Variants in GCC1 observed in about 807,000 individuals in gnomAD.
GCC1 encodes the protein GRIP and coiled-coil domain-containing protein 1.
GCC1 carries 36 observed loss-of-function variants against 62.5 expected under a neutral mutation model. The ratio of observed to expected loss-of-function variants is 0.58; its 90% confidence interval spans 0.44 to 0.76. GCC1 has a LOEUF of 0.76. Ranked by LOEUF, GCC1 falls within the 30% of genes least tolerant of loss-of-function variation. The pLI, the probability that GCC1 is intolerant of heterozygous loss-of-function variation, is 0.00. For synonymous variants in GCC1, 391 were observed against 386.8 expected, an observed-to-expected ratio of 1.01 and a Z score of -0.13; for missense variants, 885 against 948.3, an observed-to-expected ratio of 0.93 and a Z score of 0.88.
rs369520519 is a variant in GCC1, at chr7:127,582,913, T to C, written c.1429A>G (p.Thr477Ala). The C allele has an allele frequency of 2.5e-6, 4 of 1,614,200 alleles. No homozygotes were observed. The highest frequency in any genetic ancestry group is 3.4e-6 in the Non-Finnish European group (4 of 1,180,032). ...AGCTCCTGTTGGTAATAGAGTGCAG[T>C]AGCCTTCTCCCCATCAGCAGCCTCC... ...SSEAADGEKATALYYQQELKQ... is the reference protein window; with the variant it reads ...SSEAADGEKAAALYYQQELKQ... Residue 477 changes from threonine to alanine, a missense_variant, in exon 2 of 2, where the codon ACT becomes GCT. By Grantham distance (58) the Thr-to-Ala change is moderately conservative (BLOSUM62 0). Transcript: ENST00000321407. This position sits in a 1 kb window ranked among gnomAD's most constrained non-coding sequence, Gnocchi z 4.8.
In GCC1 at chr7:127,582,116, A is replaced by G; in HGVS notation, c.2226T>C (p.Thr742=). ...GCAAGATAGTCAGTATGGCTGTGAG[A>G]GTCTGCTGGCGGCCCAGGGAGTCAG... ...TLPDSLGRQQ[T]LTAILTILHF... is the part of the protein sequence containing the mutation. The change falls in exon 2 of 2, where the codon ACT becomes ACC. Residue 742 remains threonine, a synonymous_variant. Coordinates refer to ENST00000321407, the MANE Select transcript of GCC1 (RefSeq NM_024523.6). This position sits in a 1 kb window ranked among gnomAD's most constrained non-coding sequence, Gnocchi z 4.8. 2 of 1,614,162 alleles carry G rather than the reference A, an allele frequency of 1.2e-6. No individual in the cohort carries two copies. The highest frequency in any genetic ancestry group is 1.7e-6 in the Non-Finnish European group (2 of 1,180,014).
rs764589858 is a variant in GCC1, at chr7:127,582,779, C to T, written c.1563G>A (p.Gln521=). The part of the protein sequence containing the change: ...GNLGKELEAA[Q]EQLAELKEKY... Reference sequence around the variant, plus strand: ...TCTCCTTCAGCTCTGCAAGCTGTTCCTGGGCTGCCTCCAGCTCCTTTCCCA... The same window carrying T: ...TCTCCTTCAGCTCTGCAAGCTGTTCTTGGGCTGCCTCCAGCTCCTTTCCCA... Residue 521 remains glutamine, a synonymous_variant, in exon 2 of 2, where the codon CAG becomes CAA. Transcript: ENST00000321407. The surrounding 1 kb of genome is among the most constrained non-coding windows in gnomAD (Gnocchi z 4.8). 6.2e-7 allele frequency: 1 copy of T among 1,614,218 alleles called. No individual in the cohort carries two copies. The highest frequency in any genetic ancestry group is 8.5e-7 in the Non-Finnish European group (1 of 1,180,046).
rs370013935 is a variant in GCC1, at chr7:127,584,750, C to T, written c.433G>A (p.Gly145Arg). Residue 145 changes from glycine to arginine, a missense_variant, in exon 1 of 2, where the codon GGG becomes AGG. Gly to Arg is a moderately radical substitution (Grantham distance 125). Transcript: ENST00000321407. ...TCCCCACCTGCAAATGGCCCATCCC[C>T]ACTGCTACTGCTAACGCCACTCTCG... ...WSESGVSSSS[G>R]DGPFAGGEVD... is the part of the protein sequence containing the mutation. 6.2e-7 allele frequency: 1 copy of T among 1,614,214 alleles called. No individual in the cohort carries two copies. Among genetic ancestry groups the T allele is most frequent in the Non-Finnish European group, 8.5e-7 (1 of 1,180,040 alleles).
At position 127,584,210 on chromosome 7, in the gene GCC1, C is replaced by T. The variant is rs775845180; in HGVS notation, c.973G>A (p.Glu325Lys). 6.2e-7 allele frequency: 1 copy of T among 1,613,888 alleles called. No homozygotes were observed. Among genetic ancestry groups the T allele is most frequent in the Admixed American group, 1.7e-5 (1 of 59,938 alleles). ...QPDPRLQELQ[E>K]EAARLKSHFQ... ...TGGCTCTTAAGGCGGGCAGCCTCTTCCTGAAGTTCTTGCAGCCGGGGATCT... is the reference window on the plus strand; with the variant it reads ...TGGCTCTTAAGGCGGGCAGCCTCTTTCTGAAGTTCTTGCAGCCGGGGATCT... The change falls in exon 1 of 2, where the codon GAA becomes AAA. Residue 325 changes from glutamate (E) to lysine (K), a missense_variant. Glu to Lys is a moderately conservative substitution (Grantham distance 56, BLOSUM62 1). Coordinates refer to ENST00000321407, the MANE Select transcript of GCC1 (RefSeq NM_024523.6).
chr7:127,584,221 T>C lies in GCC1; in HGVS notation c.962A>G (p.Gln321Arg), dbSNP rs768718516. 5.0e-6 allele frequency: 8 copies of C among 1,613,844 alleles called. No homozygotes were observed. Among genetic ancestry groups the C allele is most frequent in the African/African-American group, 1.3e-5 (1 of 74,820 alleles). Residue 321 changes from glutamine (Q) to arginine (R), a missense_variant, in exon 1 of 2, where the codon CAA (glutamine) becomes CGA (arginine). Physicochemically the swap from Gln to Arg is conservative, Grantham distance 43. Transcript: ENST00000321407. ...DEKNQPDPRL[Q>R]ELQEEAARLK... The stretch of plus-strand genomic sequence containing the variant: ...GCGGGCAGCCTCTTCCTGAAGTTCT[T>C]GCAGCCGGGGATCTGGCTGATTCTT...
intron 1 of GCC1, among the ~76,000 whole-genome samples, chr7:127,583,894 G>C (rs1562952190): frequency 6.6e-6 from 1 of 152,136 alleles, no homozygotes; most frequent in Non-Finnish European, 1.5e-5. Flanking sequence ...AGCACAGCTG[G>C]TAAGATGCCA....
In GCC1 at chr7:127,584,631, A is replaced by G. The variant is rs773035632; in HGVS notation, c.552T>C (p.Ala184=). Residue 184 remains alanine (A), a synonymous_variant, in exon 1 of 2, where the codon GCT becomes GCC. Transcript: ENST00000321407. ...TCTTTTTCTTGTCAGCCAAGTAAGA[A>G]GCCTCCATGCGGGACTTCTCCTGAG... ...TVTQEKSRME[A]SYLADKKKMK... is the part of the protein sequence containing the mutation. 5 of 1,614,142 alleles carry G rather than the reference A, an allele frequency of 3.1e-6. No homozygotes were observed. The highest frequency in any genetic ancestry group is 4.2e-6 in the Non-Finnish European group (5 of 1,180,030).
Position 127,585,313 on chromosome 7 carries a change from G to T in GCC1, c.-131C>A. The T allele has an allele frequency of 1.2e-6, 1 of 848,348 alleles. No individual in the cohort carries two copies. Among genetic ancestry groups the T allele is most frequent in the Non-Finnish European group, 1.8e-6 (1 of 558,270 alleles). The allele number at this position is 848,348 out of a possible 1,614,324, so 52.6% of individuals were successfully genotyped here. A position where few individuals can be genotyped will look rare whatever the true frequency, so the allele number is the denominator to read the frequency against. On this transcript the variant is annotated 5_prime_UTR_variant, in exon 1 of 2. Coordinates refer to ENST00000321407, the MANE Select transcript of GCC1 (RefSeq NM_024523.6). ...GCGGGCCGCACACCTACTCCACCTA[G>T]TTATCCCGGACCTAATGCGGAACGG...
chr7:127,585,446 G>T lies in GCC1; in HGVS notation c.-264C>A. 4.1e-6 allele frequency: 2 copies of T among 484,936 alleles called. No individual in the cohort carries two copies. The highest frequency in any genetic ancestry group is 5.7e-5 in the South Asian group (2 of 35,226). The allele number at this position is 484,936 out of a possible 1,614,324, so 30.0% of individuals were successfully genotyped here. A position where few individuals can be genotyped will look rare whatever the true frequency, so the allele number is the denominator to read the frequency against. ...GGCACCAGAGGTGCGCACTGCCAGGGCTCGTTAGCGCTGGCCCAGAAGCCG... is the reference window on the plus strand; with the variant it reads ...GGCACCAGAGGTGCGCACTGCCAGGTCTCGTTAGCGCTGGCCCAGAAGCCG... On this transcript the variant is annotated 5_prime_UTR_variant, in exon 1 of 2. Coordinates refer to ENST00000321407, the MANE Select transcript of GCC1 (RefSeq NM_024523.6).
Position 127,585,251 on chromosome 7 carries a change from C to G in GCC1, c.-69G>C. ...CGGGAGAGGGCCGTGAAGACGCAGGCGGGGGCTTAAAGAAACAGCGAGCGG... is the reference window on the plus strand; with the variant it reads ...CGGGAGAGGGCCGTGAAGACGCAGGGGGGGGCTTAAAGAAACAGCGAGCGG... On this transcript the variant is annotated 5_prime_UTR_variant, in exon 1 of 2. Transcript: ENST00000321407. 6.9e-7 allele frequency: 1 copy of G among 1,441,046 alleles called. No homozygotes were observed. The highest frequency in any genetic ancestry group is 2.3e-5 in the East Asian group (1 of 43,672). 89.3% of individuals were successfully genotyped at this position (1,441,046 alleles called of 1,614,324 possible).
In GCC1 at chr7:127,582,474, C is replaced by T. The variant is rs1174231087; in HGVS notation, c.1868G>A (p.Gly623Asp). The T allele has an allele frequency of 6.2e-7, 1 of 1,613,972 alleles. No homozygotes were observed. Residue 623 changes from glycine (G) to aspartate (D), a missense_variant, in exon 2 of 2, where the codon GGT becomes GAT. Physicochemically the swap from Gly to Asp is moderately conservative, Grantham distance 94 (BLOSUM62 -1). Transcript: ENST00000321407. The surrounding 1 kb of genome is among the most constrained non-coding windows in gnomAD (Gnocchi z 4.8). ...AGCTGGGTCCCCAGGACCGCCACCA[C>T]CCACAGGACTTCTGCGTCCTGGCAG... ...SGLPGRRSPVGGGGPGDPADT... is the reference protein window; with the variant it reads ...SGLPGRRSPVDGGGPGDPADT...
At chr7:127,584,091 A>G (rs560635209) in intron 1 of GCC1, 60 bp downstream of exon 1, 2 of 1,475,204 alleles carry the variant, frequency 1.4e-6, no homozygotes, top group Non-Finnish European at 1.9e-6. Flanking sequence ...GAGGAAAAAA[A>G]CCCTAATATT....
chr7:127,585,083 G>C lies in GCC1; in HGVS notation c.100C>G (p.Arg34Gly). The C allele has an allele frequency of 6.2e-7, 1 of 1,614,108 alleles. No individual in the cohort carries two copies. Among genetic ancestry groups the C allele is most frequent in the Non-Finnish European group, 8.5e-7 (1 of 1,180,032 alleles). The change falls in exon 1 of 2, where the codon CGG becomes GGG. Residue 34 changes from arginine to glycine, a missense_variant. By Grantham distance (125) the Arg-to-Gly change is moderately radical. Transcript: ENST00000321407. Reference protein sequence around the residue: ...QKKQLLQYQARLKDVVRAYKS... With the variant: ...QKKQLLQYQAGLKDVVRAYKS... ...TAGGCACGGACCACATCCTTGAGCC[G>C]TGCCTGGTACTGGAGAAGCTGCTTC... is the stretch of plus-strand genomic sequence containing the variant.
rs1386604280 is a variant in GCC1 at position 127,584,713 on chromosome 7, CT to C, written c.469del (p.Arg157AspfsTer5). The C allele has an allele frequency of 6.2e-7, 1 of 1,614,088 alleles. No individual in the cohort carries two copies. Among genetic ancestry groups the C allele is most frequent in the African/African-American group, 1.3e-5 (1 of 74,908 alleles). On this transcript the variant is annotated frameshift_variant, in exon 1 of 2. Coordinates refer to ENST00000321407, the MANE Select transcript of GCC1 (RefSeq NM_024523.6). LOFTEE classifies it high-confidence loss of function. ...GPFAGGEVDK[R>X]LHQLKTQLAT... ...CAACTGAGTCTTCAGCTGGTGCAGT[CT>C]TTTGTCCACCTCCCCACCTGCAAAT... is the stretch of plus-strand genomic sequence containing the variant.
Position 127,585,291 on chromosome 7 carries a change from G to A in GCC1, c.-109C>T. 1 of 1,058,080 alleles carries A rather than the reference G, an allele frequency of 9.5e-7. No homozygotes were observed. Among genetic ancestry groups the A allele is most frequent in the Admixed American group, 2.5e-5 (1 of 39,522 alleles). The allele number at this position is 1,058,080 out of a possible 1,614,324, so 65.5% of individuals were successfully genotyped here. On this transcript the variant is annotated 5_prime_UTR_variant, in exon 1 of 2. Coordinates refer to ENST00000321407, the MANE Select transcript of GCC1 (RefSeq NM_024523.6). ...ACAGCGAGCGGGCTGTCCGGCGGCG[G>A]GCCGCACACCTACTCCACCTAGTTA...
At position 127,584,139 on chromosome 7, in the gene GCC1, A is replaced by G. The variant is rs3735643; in HGVS notation, c.1032+12T>C. ...TCAATGGCTGATGTTTGAAAGAGATATGGATAATTACCTTTCTCATTTCCT... is the reference window on the plus strand; with the variant it reads ...TCAATGGCTGATGTTTGAAAGAGATGTGGATAATTACCTTTCTCATTTCCT... On this transcript the variant is annotated intron_variant, in intron 1 of 1. Transcript: ENST00000321407. 0.67 allele frequency: 1,081,004 copies of G among 1,606,510 alleles called. 369,288 individuals carry two copies. Among genetic ancestry groups the G allele is most frequent in the East Asian group, 0.94 (42,196 of 44,812 alleles).
chr7:127,584,818 G>T lies in GCC1; in HGVS notation c.365C>A (p.Ala122Asp). Residue 122 changes from alanine (A) to aspartate (D), a missense_variant, in exon 1 of 2, where the codon GCC becomes GAC. Transcript: ENST00000321407. ...GGACTTTGGAGGTGGTGGTCCACGG[G>T]CCGGTCTGTCATCTTCTACCCCAAA... ...GEFGVEDDRP[A>D]RGPPPPKSEE... The T allele has an allele frequency of 1.9e-6, 3 of 1,614,158 alleles. No homozygotes were observed. The highest frequency in any genetic ancestry group is 2.5e-6 in the Non-Finnish European group (3 of 1,180,034).
rs562333991 is a variant in GCC1, at chr7:127,582,717, T to G, written c.1625A>C (p.Glu542Ala). Residue 542 changes from glutamate to alanine, a missense_variant, in exon 2 of 2, where the codon GAG becomes GCG. Physicochemically the swap from Glu to Ala is moderately radical, Grantham distance 107 (BLOSUM62 -1). Transcript: ENST00000321407. This position sits in a 1 kb window ranked among gnomAD's most constrained non-coding sequence, Gnocchi z 4.8. ...ATCAGCCTCCTGCTGGTGTTGGTGC[T>G]CCAGCTCCTCGCAGGAGAGCCGCAG... ...ISLRLSCEEL[E>A]HQHQQEADDW... The G allele has an allele frequency of 6.2e-7, 1 of 1,614,112 alleles. No homozygotes were observed. Among genetic ancestry groups the G allele is most frequent in the East Asian group, 2.2e-5 (1 of 44,866 alleles).
In GCC1 at chr7:127,585,108, C is replaced by T. The variant is rs745494471; in HGVS notation, c.75G>A (p.Lys25=). 1.1e-5 allele frequency: 18 copies of T among 1,613,992 alleles called. No individual in the cohort carries two copies. The highest frequency in any genetic ancestry group is 3.3e-5 in the Admixed American group (2 of 60,006). ...GTGCCTGGTACTGGAGAAGCTGCTT[C>T]TTCTGGGTCTCTATAGTCTCCAGCA... is the stretch of plus-strand genomic sequence containing the variant. ...KDLLETIETQ[K]KQLLQYQARL... Residue 25 remains lysine, a synonymous_variant, in exon 1 of 2, where the codon AAG becomes AAA. Coordinates refer to ENST00000321407, the MANE Select transcript of GCC1 (RefSeq NM_024523.6).
Sources: allele counts gnomAD v4.1 joint callset (sites outside exome capture counted in the v4.1 genomes callset), GRCh38; gene constraint gnomAD v4.1.1; non-coding constraint Gnocchi (gnomAD v3.1); transcripts MANE v1.5; gene names NCBI Gene and HGNC (gene_info 2026-07-23, HGNC 2026-07-21).